Variants in LRRC45 observed in about 807,000 individuals in gnomAD.
LRRC45 encodes the protein leucine rich repeat containing 45, also known as leucine-rich repeat-containing protein 45.
LRRC45 carries 73 observed loss-of-function variants against 85.4 expected under a neutral mutation model. The ratio of observed to expected loss-of-function variants is 0.85; its 90% CI spans 0.71 to 1.04. The LOEUF (loss-of-function observed/expected upper bound fraction) is 1.04, where lower values mean the gene tolerates loss of function less well. Ranked by LOEUF, LRRC45 falls within the 50% of genes least tolerant of loss-of-function variation. The probability of loss-of-function intolerance (pLI) is 0.00; values close to 1 mark genes in which losing one functional copy is unlikely to be tolerated. For synonymous variants in LRRC45, 429 were observed against 386.0 expected (o/e 1.11, Z -1.31); for missense variants, 937 against 883.3 (o/e 1.06, Z -0.77).
intron 5 of LRRC45, among the ~76,000 whole-genome samples, chr17:82,026,512 G>A (rs1188521739): frequency 6.6e-6 from 1 of 151,940 alleles, no homozygotes; most frequent in South Asian, 2.1e-4. Flanking sequence ...TGCAGGGCTG[G>A]TGGCCACCAG....
At position 82,027,997 on chromosome 17, in the gene LRRC45, C is replaced by T. The variant is rs755941531; in HGVS notation, c.912-14C>T. On this transcript the variant is annotated splice_polypyrimidine_tract_variant and intron_variant, in intron 8 of 16. Coordinates refer to ENST00000306688, the MANE Select transcript of LRRC45 (RefSeq NM_144999.4). ...CTCCAACCGGGGCGGGGGTGCTGCC[C>T]CTCCTTTCTGCAGGCTGCAGATGAC... 2.5e-6 allele frequency: 4 copies of T among 1,589,650 alleles called. No homozygotes were observed. Among genetic ancestry groups the T allele is most frequent in the Non-Finnish European group, 3.4e-6 (4 of 1,169,612 alleles).
chr17:82,029,125 T>A lies in LRRC45; in HGVS notation c.1341T>A (p.Ser447Arg). 6.2e-7 allele frequency: 1 copy of A among 1,611,880 alleles called. No homozygotes were observed. The highest frequency in any genetic ancestry group is 8.5e-7 in the Non-Finnish European group (1 of 1,179,708). ...ATATGACCCGTCACCTGGAGGAGAG[T>A]GAGAAGGCCATGCAGGAGCGGGTGC... ...VEHMTRHLEE[S>R]EKAMQERVQR... Residue 447 changes from serine (S) to arginine (R), a missense_variant, in exon 13 of 17, where the codon AGT becomes AGA. By Grantham distance (110) the Ser-to-Arg change is moderately radical. Transcript: ENST00000306688.
rs767841779 is a variant in LRRC45, at chr17:82,028,722, G to A, written c.1308+39G>A. The stretch of plus-strand genomic sequence containing the variant: ...TGGCCTCTAATGCGCCTCAGTCTCT[G>A]GTCTTGGTGTCACGCAGGTGTCCCC... On this transcript the variant is annotated intron_variant, in intron 12 of 16. Coordinates refer to ENST00000306688, the MANE Select transcript of LRRC45 (RefSeq NM_144999.4). 4 of 1,582,178 alleles carry A rather than the reference G, an allele frequency of 2.5e-6. No homozygotes were observed. In the African/African-American group the frequency reaches 4.1e-5, roughly 16 times the overall value.
Position 82,028,002 on chromosome 17 carries a change from T to C in LRRC45, c.912-9T>C, listed in dbSNP as rs772254764. ...ACCGGGGCGGGGGTGCTGCCCCTCC[T>C]TTCTGCAGGCTGCAGATGACAGAGG... On this transcript the variant is annotated splice_polypyrimidine_tract_variant and intron_variant, in intron 8 of 16. Transcript: ENST00000306688. 6.3e-7 allele frequency: 1 copy of C among 1,594,014 alleles called. No individual in the cohort carries two copies. The highest frequency in any genetic ancestry group is 1.1e-5 in the South Asian group (1 of 89,814).
rs145808244 is a variant in LRRC45, at chr17:82,027,101, T to C, written c.774+90T>C. On this transcript the variant is annotated intron_variant, in intron 6 of 16. Coordinates refer to ENST00000306688, the MANE Select transcript of LRRC45 (RefSeq NM_144999.4). Reference sequence around the variant, plus strand: ...CTCCCTCAGCCCCGTGGTCTGCCCATCTTCCCTTCCTCGGGGCCCTGGAGC... The same window carrying C: ...CTCCCTCAGCCCCGTGGTCTGCCCACCTTCCCTTCCTCGGGGCCCTGGAGC... The C allele has an allele frequency of 1.4e-5, 17 of 1,177,944 alleles. No individual in the cohort carries two copies. The African/African-American group carries it at 1.5e-4, about 10-fold the overall frequency. 73.0% of individuals were successfully genotyped at this position (1,177,944 alleles called of 1,614,324 possible).
Position 82,027,039 on chromosome 17 carries a change from G to A in LRRC45, c.774+28G>A, listed in dbSNP as rs1284962496. Reference sequence around the variant, plus strand: ...GAGGATGGCGCCTTCACTGACCTTGGAGCTGCTTATGGCTGGAGGGCCTGG... The same window carrying A: ...GAGGATGGCGCCTTCACTGACCTTGAAGCTGCTTATGGCTGGAGGGCCTGG... On this transcript the variant is annotated intron_variant, in intron 6 of 16. Coordinates refer to ENST00000306688, the MANE Select transcript of LRRC45 (RefSeq NM_144999.4). 2.6e-6 allele frequency: 4 copies of A among 1,547,172 alleles called. No individual in the cohort carries two copies. In the African/African-American group the frequency reaches 4.0e-5, roughly 16 times the overall value.
At position 82,023,766 on chromosome 17, in the gene LRRC45, C is replaced by G; in HGVS notation, c.123C>G (p.Ser41Arg). The change falls in exon 1 of 17, where the codon AGC becomes AGG. Residue 41 changes from serine to arginine, a missense_variant. Coordinates refer to ENST00000306688, the MANE Select transcript of LRRC45 (RefSeq NM_144999.4). ...PRGRLDLATQ[S>R]LTVETCRALG... ...GCCGGCTGGACCTGGCCACGCAAAG[C>G]CTGACGGTGGAGACCTGCAGGGCCC... 2 of 1,560,706 alleles carry G rather than the reference C, an allele frequency of 1.3e-6. No homozygotes were observed. The highest frequency in any genetic ancestry group is 1.7e-6 in the Non-Finnish European group (2 of 1,155,664).
At chr17:82,030,549 C>A in intron 16 of LRRC45, 60 bp from the exon 17 acceptor site, 4 of 1,487,856 alleles carry the variant, frequency 2.7e-6, no homozygotes, top group Middle Eastern at 2.1e-4. Flanking sequence ...GTCTCCCGTG[C>A]TGAGGCCGTG....
chr17:82,024,852 T>C (rs1340247520), intron 3 of LRRC45, 89 bp downstream of exon 3: 2 of 1,460,996 alleles, frequency 1.4e-6, no homozygotes, highest in Admixed American at 2.6e-5. Flanking sequence ...GAGTTCCCCA[T>C]TGCCAGGTGC....
chr17:82,025,253 G>C (rs2043358541), intron 4 of LRRC45, 75 bp downstream of exon 4: 17 of 1,532,578 alleles, frequency 1.1e-5, no homozygotes, highest in Non-Finnish European at 1.4e-5. Flanking sequence ...GAGGGGCTAG[G>C]GGACTGGCCT....
chr17:82,024,415 G>C lies in LRRC45; in HGVS notation c.282+76G>C, dbSNP rs562407195. 4.4e-4 allele frequency: 683 copies of C among 1,548,974 alleles called. 4 individuals are homozygous for C. The Middle Eastern group carries it at 9.7e-3, about 22-fold the overall frequency. Reference sequence around the variant, plus strand: ...GGAGAGGTGGAAGATGCCAGGTCTCGGGGGCCTGGGGTCTGGGCAGGTGGC... The same window carrying C: ...GGAGAGGTGGAAGATGCCAGGTCTCCGGGGCCTGGGGTCTGGGCAGGTGGC... On this transcript the variant is annotated intron_variant, in intron 2 of 16. Coordinates refer to ENST00000306688, the MANE Select transcript of LRRC45 (RefSeq NM_144999.4).
At position 82,023,753 on chromosome 17, in the gene LRRC45, T is replaced by C. The variant is rs1470015697; in HGVS notation, c.110T>C (p.Leu37Pro). Residue 37 changes from leucine to proline, a missense_variant, in exon 1 of 17, where the codon CTG becomes CCG. Coordinates refer to ENST00000306688, the MANE Select transcript of LRRC45 (RefSeq NM_144999.4). ...CAGCTTCCCAGGGGCCGGCTGGACC[T>C]GGCCACGCAAAGCCTGACGGTGGAG... ...LHQLPRGRLD[L>P]ATQSLTVETC... 1 of 1,556,052 alleles carries C rather than the reference T, an allele frequency of 6.4e-7. No homozygotes were observed. Among genetic ancestry groups the C allele is most frequent in the Admixed American group, 1.9e-5 (1 of 52,032 alleles).
In LRRC45 at chr17:82,028,686, G is replaced by C. The variant is rs753351989; in HGVS notation, c.1308+3G>C. Reference sequence around the variant, plus strand: ...CCGAAAGCCTGCGCATCAAGGAGGTGCCCTCTTCGTTGGCCTCTAATGCGC... The same window carrying C: ...CCGAAAGCCTGCGCATCAAGGAGGTCCCCTCTTCGTTGGCCTCTAATGCGC... On this transcript the variant is annotated splice_donor_region_variant and intron_variant, in intron 12 of 16. Transcript: ENST00000306688. 6.2e-7 allele frequency: 1 copy of C among 1,610,914 alleles called. No individual in the cohort carries two copies. Among genetic ancestry groups the C allele is most frequent in the South Asian group, 1.1e-5 (1 of 90,712 alleles).
chr17:82,029,436 G>T (rs1263130739), intron 13 of LRRC45, 107 bp from the exon 14 acceptor site: 5 of 1,285,852 alleles, frequency 3.9e-6, no homozygotes, highest in Non-Finnish European at 4.4e-6. Flanking sequence ...CCCTCAGGAG[G>T]CTGGCAGAGA....
chr17:82,026,810 C>T, intron 5 of LRRC45, 89 bp from the exon 6 acceptor site: 1 of 999,438 alleles, frequency 1.0e-6, no homozygotes, highest in East Asian at 2.6e-5. Flanking sequence ...GAACCCCTGA[C>T]CTCAGGTGAT....
Position 82,023,599 on chromosome 17 carries a change from C to A in LRRC45, c.-45C>A, listed in dbSNP as rs11552878. The A allele has an allele frequency of 2.1e-6, 3 of 1,459,536 alleles. No individual in the cohort carries two copies. Among genetic ancestry groups the A allele is most frequent in the African/African-American group, 1.4e-5 (1 of 70,984 alleles). The allele number at this position is 1,459,536 out of a possible 1,614,324, so 90.4% of individuals were successfully genotyped here. A position where few individuals can be genotyped will look rare whatever the true frequency, so the allele number is the denominator to read the frequency against. Reference sequence around the variant, plus strand: ...TCCGCACCGCGCGGCTCCCTTTCAGCAGCTGCGGGAGCATGCGGAGGAGGC... The same window carrying A: ...TCCGCACCGCGCGGCTCCCTTTCAGAAGCTGCGGGAGCATGCGGAGGAGGC... On this transcript the variant is annotated 5_prime_UTR_variant, in exon 1 of 17. Transcript: ENST00000306688.
rs554283042 is a variant in LRRC45 at position 82,023,552 on chromosome 17, C to G, written c.-92C>G. 2.5e-6 allele frequency: 3 copies of G among 1,221,042 alleles called. No individual in the cohort carries two copies. The highest frequency in any genetic ancestry group is 2.9e-5 in the Admixed American group (1 of 34,648). The allele number at this position is 1,221,042 out of a possible 1,614,324, so 75.6% of individuals were successfully genotyped here. ...CCCGGGTCGGCGGAGGCCCCGTCTC[C>G]TGTACCCGGCGCTGGGACTGCTCCG... On this transcript the variant is annotated 5_prime_UTR_variant, in exon 1 of 17. Coordinates refer to ENST00000306688, the MANE Select transcript of LRRC45 (RefSeq NM_144999.4).
Position 82,028,423 on chromosome 17 carries a change from G to A in LRRC45, c.1152G>A (p.Arg384=). 2 of 1,612,738 alleles carry A rather than the reference G, an allele frequency of 1.2e-6. No individual in the cohort carries two copies. The highest frequency in any genetic ancestry group is 2.7e-5 in the African/African-American group (2 of 75,056). The change falls in exon 11 of 17, where the codon AGG becomes AGA. Residue 384 remains arginine, a synonymous_variant. Transcript: ENST00000306688. ...TAGACGAGTTGGAGCGGAAGTTCAGGTGTCAGCAGGAGCAGCTGTTCCAGA... is the reference window on the plus strand; with the variant it reads ...TAGACGAGTTGGAGCGGAAGTTCAGATGTCAGCAGGAGCAGCTGTTCCAGA... ...NQVDELERKF[R]CQQEQLFQTR...
intron 16 of LRRC45, 48 bp from the exon 17 acceptor site, chr17:82,030,561 C>T: frequency 1.4e-6 from 2 of 1,476,860 alleles, no homozygotes; most frequent in Non-Finnish European, 1.8e-6. Flanking sequence ...GAGGCCGTGC[C>T]ACGGTGCGCT....
Sources: gnomAD v4.1 joint callset for allele counts (sites outside exome capture counted in the v4.1 genomes callset) on GRCh38, gnomAD v4.1.1 for gene constraint, MANE v1.5 for transcripts, NCBI Gene and HGNC (gene_info 2026-07-23, HGNC 2026-07-21) for gene names.